SLC7A8: variants seen among roughly 807,000 people sequenced by gnomAD.
The protein encoded by SLC7A8 is large neutral amino acids transporter small subunit 2.
In SLC7A8, 30 loss-of-function variants were observed where a neutral mutation model predicts 51.2. The ratio of observed to expected loss-of-function variants is 0.59; its 90% CI spans 0.44 to 0.80. SLC7A8 has a LOEUF of 0.80. SLC7A8 is among the 30% of genes least tolerant of loss of function. The pLI is 0.00. For missense variants in SLC7A8, 612 were observed against 674.4 expected, an observed-to-expected ratio of 0.91 and a Z score of 1.03; for synonymous variants, 257 against 275.8, an observed-to-expected ratio of 0.93 and a Z score of 0.67.
rs1262362444 is a variant in SLC7A8 at position 23,182,767 on chromosome 14, C to A, written c.148G>T (p.Val50Leu). The A allele has an allele frequency of 6.3e-7, 1 of 1,577,516 alleles. No homozygotes were observed. Among genetic ancestry groups the A allele is most frequent in the Non-Finnish European group, 8.6e-7 (1 of 1,163,630 alleles). The change falls in exon 1 of 11, where the codon GTA (valine) becomes TTA (leucine). Residue 50 changes from valine (V) to leucine (L), a missense_variant. Transcript: ENST00000316902. ...CGCGGGAAGGAATGGAACTCACCTA[C>A]GATGATACCACAGGCACTGACCAAT... is the stretch of plus-strand genomic sequence containing the variant. The part of the protein sequence containing the change: ...IGLVSACGII[V>L]GNIIGSGIFV...
chr14:23,127,203 C>G lies in SLC7A8; in HGVS notation c.1582G>C (p.Asp528His). 6.2e-7 allele frequency: 1 copy of G among 1,614,116 alleles called. No homozygotes were observed. The highest frequency in any genetic ancestry group is 8.5e-7 in the Non-Finnish European group (1 of 1,179,990). ...MYQPTPTKDK[D>H]VAGQPQP ...CAGGGCTGGGGCTGCCCCGCCACGT[C>G]CTTGTCCTTCGTGGGAGTGGGTTGG... The change falls in exon 11 of 11, where the codon GAC becomes CAC. Residue 528 changes from aspartate to histidine, a missense_variant. Asp to His is a moderately conservative substitution (Grantham distance 81). Coordinates refer to ENST00000316902, the MANE Select transcript of SLC7A8 (RefSeq NM_012244.4).
At chr14:23,152,510 C>T (rs115317097) in intron 3 of SLC7A8, among the ~76,000 whole-genome samples, 3,480 of 151,506 alleles carry the variant, frequency 0.023, 137 homozygotes, top group African/African-American at 0.08. Flanking sequence ...GTCTCAACCT[C>T]CCCAGACTCA....
At chr14:23,138,198 A>G (rs1489516694) in intron 6 of SLC7A8, 174 bp from the exon 7 acceptor site, 1 of 689,342 alleles carries the variant, frequency 1.5e-6, no homozygotes, top group South Asian at 1.9e-5. Context: ...CAGGGTGGTT[A>G]ATGCATGTTT....
intron 1 of SLC7A8, among the ~76,000 whole-genome samples, chr14:23,172,395 G>A (rs959734475): frequency 3.3e-5 from 5 of 152,306 alleles, no homozygotes; most frequent in Middle Eastern, 3.4e-3. Flanking sequence ...TTTATTGAGC[G>A]CCCACTCTGT....
intron 3 of SLC7A8, among the ~76,000 whole-genome samples, chr14:23,149,704 C>G (rs2048829892): frequency 6.6e-6 from 1 of 152,200 alleles, no homozygotes; most frequent in African/African-American, 2.4e-5. Flanking sequence ...TCCTTCCGGG[C>G]TCAGTCAACC....
At chr14:23,129,516 C>T in intron 9 of SLC7A8, 134 bp downstream of exon 9, 1 of 1,075,228 alleles carries the variant, frequency 9.3e-7, no homozygotes, top group Non-Finnish European at 1.3e-6. Context: ...ATGGCCCTTG[C>T]TTTCCAAAGG....
In SLC7A8 at chr14:23,155,873, T is replaced by C. The variant is rs1468849615; in HGVS notation, c.508+9412A>G. Among the ~76,000 whole-genome samples, 3 of 152,176 alleles carry C rather than the reference T, an allele frequency of 2.0e-5. 1 individual carries two copies. The highest frequency in any genetic ancestry group is 4.1e-4 in the South Asian group (2 of 4,826). ...TTCTTGGACCAGAAGGCTTGTAGGC[T>C]CTGTTGGTGTTCACTAAATTCTATA... On this transcript the variant is annotated intron_variant, in intron 3 of 10. Transcript: ENST00000316902.
At chr14:23,161,068 T>C (rs551708488) in intron 3 of SLC7A8, among the ~76,000 whole-genome samples, 44 of 152,248 alleles carry the variant, frequency 2.9e-4, no homozygotes, top group South Asian at 6.2e-4. Flanking sequence ...AAGTGGCAGC[T>C]GCAGTTGCAT....
At chr14:23,182,369 C>T (rs1378943917) in intron 1 of SLC7A8, among the ~76,000 whole-genome samples, 1 of 152,158 alleles carries the variant, frequency 6.6e-6, no homozygotes, top group African/African-American at 2.4e-5. Context: ...ACCTTAAAAG[C>T]CCATCCCCAG....
chr14:23,166,579 A>T (rs763103084), intron 1 of SLC7A8, 39 bp from the exon 2 acceptor site: 2 of 1,608,298 alleles, frequency 1.2e-6, no homozygotes, highest in South Asian at 2.2e-5. Flanking sequence ...GAGACAGTAG[A>T]GACAGGACGG....
At chr14:23,133,554 C>A (rs2048660805) in intron 7 of SLC7A8, among the ~76,000 whole-genome samples, 1 of 151,796 alleles carries the variant, frequency 6.6e-6, no homozygotes, top group South Asian at 2.1e-4. Context: ...GGGCTAGGCA[C>A]AGTGGCTCAT....
At chr14:23,155,108 C>G in intron 3 of SLC7A8, 1 of 1,481,928 alleles carries the variant, frequency 6.7e-7, no homozygotes, top group East Asian at 2.5e-5. Context: ...CAGATCTTGC[C>G]TATCGCACGA....
At chr14:23,180,171 G>T (rs1877109659) in intron 1 of SLC7A8, among the ~76,000 whole-genome samples, 1 of 152,200 alleles carries the variant, frequency 6.6e-6, no homozygotes, top group Non-Finnish European at 1.5e-5. Flanking sequence ...CTCCCAAAGT[G>T]CTGGGATTAC....
At chr14:23,136,535 C>A (rs955832833) in intron 7 of SLC7A8, among the ~76,000 whole-genome samples, 1 of 152,094 alleles carries the variant, frequency 6.6e-6, no homozygotes, top group Non-Finnish European at 1.5e-5. Context: ...CCTCTCCCTA[C>A]CCGAGAACAC....
intron 4 of SLC7A8, among the ~76,000 whole-genome samples, chr14:23,142,075 G>C (rs2048750469): frequency 6.6e-6 from 1 of 152,220 alleles, no homozygotes. Context: ...TATATAACCT[G>C]TTAAAGAACT....
At chr14:23,161,507 CAA>C (rs2048922202) in intron 3 of SLC7A8, among the ~76,000 whole-genome samples, 1 of 144,036 alleles carries the variant, frequency 6.9e-6, no homozygotes, top group Admixed American at 7.3e-5. Context: ...CTGCGTCTCT[CAA>C]AAGAGACACA....
chr14:23,173,309 G>A (rs572709073), intron 1 of SLC7A8, among the ~76,000 whole-genome samples: 10 of 152,332 alleles, frequency 6.6e-5, no homozygotes, highest in Non-Finnish European at 1.0e-4. Context: ...AAAATCACTG[G>A]CATGGGCTGT....
chr14:23,151,969 G>C (rs899022458), intron 3 of SLC7A8, among the ~76,000 whole-genome samples: 1 of 151,960 alleles, frequency 6.6e-6, no homozygotes, highest in Admixed American at 6.6e-5. Context: ...TTGAACCTGG[G>C]AGGCAGAGGT....
At chr14:23,127,750 G>A (rs1696719253) in intron 10 of SLC7A8, among the ~76,000 whole-genome samples, 1 of 152,204 alleles carries the variant, frequency 6.6e-6, no homozygotes. Context: ...CCAAAGTGCT[G>A]GGATTACAGG....
Sources: gnomAD v4.1 joint callset for allele counts (sites outside exome capture counted in the v4.1 genomes callset) on GRCh38, gnomAD v4.1.1 for gene constraint, MANE v1.5 for transcripts, NCBI Gene and HGNC (gene_info 2026-07-23, HGNC 2026-07-21) for gene names.